The following ZNF492 variants were observed in gnomAD, a reference collection of about 807,000 sequenced individuals.
ZNF492 encodes zinc finger protein 115 (Y20).
ZNF492 carries 3 observed loss-of-function variants against 6.4 expected under a neutral mutation model. The observed-to-expected ratio is 0.47, with a 90% CI of 0.21 to 1.22. The LOEUF is 1.22. ZNF492 is among the 50% of genes most tolerant of loss of function. The pLI, the probability that ZNF492 is intolerant of heterozygous loss-of-function variation, is 0.22. For synonymous variants in ZNF492, 112 were observed against 205.3 expected (o/e 0.55, Z 3.89); for missense variants, 356 against 612.5 (o/e 0.58, Z 4.42).
chr19:22,637,651 G>C (rs1971782269), intron 1 of ZNF492, among the ~76,000 whole-genome samples: 1 of 152,146 alleles, frequency 6.6e-6, no homozygotes, highest in South Asian at 2.1e-4. Flanking sequence ...TTGATTCCAT[G>C]TCTTTGCTTT....
chr19:22,636,104 T>TC (rs1971759317), intron 1 of ZNF492, among the ~76,000 whole-genome samples: 1 of 78,586 alleles, frequency 1.3e-5, no homozygotes, highest in African/African-American at 4.0e-5. Context: ...TACTTAAATA[T>TC]TTTTTTTTTT....
intron 3 of ZNF492, among the ~76,000 whole-genome samples, chr19:22,657,202 A>G (rs56310711): frequency 7.2e-5 from 11 of 152,078 alleles, no homozygotes; most frequent in Non-Finnish European, 1.3e-4. Context: ...AAATATAGAC[A>G]GGCAAAAAAA....
chr19:22,650,003 A>G (rs1971923371), intron 1 of ZNF492, among the ~76,000 whole-genome samples: 1 of 152,122 alleles, frequency 6.6e-6, no homozygotes, highest in African/African-American at 2.4e-5. Flanking sequence ...AGGCATTGCA[A>G]TCATTTGGAG....
At chr19:22,645,178 C>A (rs1315376572) in intron 1 of ZNF492, among the ~76,000 whole-genome samples, 1 of 151,980 alleles carries the variant, frequency 6.6e-6, no homozygotes, top group Non-Finnish European at 1.5e-5. Context: ...TCCCGAGAAC[C>A]TGGGACTACA....
intron 1 of ZNF492, among the ~76,000 whole-genome samples, chr19:22,636,719 C>T (rs1312592370): frequency 6.6e-6 from 1 of 151,412 alleles, no homozygotes; most frequent in African/African-American, 2.4e-5. Flanking sequence ...ACTGCAACCT[C>T]TGCCTCCCGG....
At chr19:22,648,030 C>T (rs548615971) in intron 1 of ZNF492, among the ~76,000 whole-genome samples, 31 of 152,084 alleles carry the variant, frequency 2.0e-4, no homozygotes, top group Admixed American at 6.6e-4. Flanking sequence ...CACCGTTCCC[C>T]GACTTAGCTC....
rs571564512 is a variant in ZNF492, at chr19:22,665,372, A to G, written c.*107A>G. 6.7e-7 allele frequency: 1 copy of G among 1,485,052 alleles called. No homozygotes were observed. Among genetic ancestry groups the G allele is most frequent in the African/African-American group, 1.4e-5 (1 of 70,684 alleles). The allele number at this position is 1,485,052 out of a possible 1,614,324, so 92.0% of individuals were successfully genotyped here. A position where few individuals can be genotyped will look rare whatever the true frequency, so the allele number is the denominator to read the frequency against. On this transcript the variant is annotated 3_prime_UTR_variant, in exon 4 of 4. Transcript: ENST00000456783. ...TACAAGTGTGAATGAACAGTGTGGC[A>G]AAACTTACACAATGCTCAAACCTTA... is the stretch of plus-strand genomic sequence containing the variant.
At chr19:22,662,243 T>C (rs1305232341) in intron 3 of ZNF492, among the ~76,000 whole-genome samples, 1 of 152,186 alleles carries the variant, frequency 6.6e-6, no homozygotes, top group Non-Finnish European at 1.5e-5. Context: ...TTCATCCATG[T>C]CCCTGCAAAG....
Position 22,666,305 on chromosome 19 carries a change from C to G in ZNF492, c.*1040C>G, listed in dbSNP as rs1972127621. 1 of 151,798 alleles carries G rather than the reference C, an allele frequency of 6.6e-6. No homozygotes were observed. Among genetic ancestry groups the G allele is most frequent in the South Asian group, 2.1e-4 (1 of 4,814 alleles). 9.4% of individuals were successfully genotyped at this position (151,798 alleles called of 1,614,324 possible). On this transcript the variant is annotated 3_prime_UTR_variant, in exon 4 of 4. Coordinates refer to ENST00000456783, the MANE Select transcript of ZNF492 (RefSeq NM_020855.3). ...TCCAGGGTTCAAGTGATTCTCCTGC[C>G]TCAGCCTCCCAAGTGGCTGGGATTA... is the stretch of plus-strand genomic sequence containing the variant.
At chr19:22,636,427 G>GT (rs1321227399) in intron 1 of ZNF492, among the ~76,000 whole-genome samples, 1 of 151,214 alleles carries the variant, frequency 6.6e-6, no homozygotes, top group African/African-American at 2.4e-5. Flanking sequence ...CATGCATTTG[G>GT]TTTTCTGCTG....
chr19:22,649,774 G>C (rs986796854), intron 1 of ZNF492, among the ~76,000 whole-genome samples: 4 of 152,048 alleles, frequency 2.6e-5, no homozygotes, highest in African/African-American at 9.7e-5. Context: ...CTCATGCTGT[G>C]TTTCTTAGCT....
rs1210447222 is a variant in ZNF492, at chr19:22,634,339, T to A, written c.-229T>A. ...ATGTGGCGGGGTCTTTGTCTCTCGC[T>A]GCAGTCGGAGTATGGTCTAGTGTTC... On this transcript the variant is annotated 5_prime_UTR_variant, in exon 1 of 4. Transcript: ENST00000456783. 1 of 986,284 alleles carries A rather than the reference T, an allele frequency of 1.0e-6. No individual in the cohort carries two copies. The highest frequency in any genetic ancestry group is 1.7e-5 in the African/African-American group (1 of 58,404). 61.1% of individuals were successfully genotyped at this position (986,284 alleles called of 1,614,324 possible).
chr19:22,650,998 T>G (rs1017985947), intron 1 of ZNF492, among the ~76,000 whole-genome samples: 53 of 152,196 alleles, frequency 3.5e-4, no homozygotes, highest in African/African-American at 1.3e-3. Context: ...CTGTTGAGAA[T>G]CTGCACAGCT....
chr19:22,654,050 A>G (rs371007669), intron 3 of ZNF492, 35 bp downstream of exon 3: 17 of 1,525,068 alleles, frequency 1.1e-5, no homozygotes, highest in Non-Finnish European at 1.4e-5. Flanking sequence ...AACAGATGAC[A>G]CAGATGAGAG....
intron 3 of ZNF492, among the ~76,000 whole-genome samples, chr19:22,660,066 A>C (rs113712886): frequency 5.3e-5 from 8 of 152,292 alleles, no homozygotes; most frequent in African/African-American, 1.9e-4. Context: ...TGTAGCTTGC[A>C]TAATACTATC....
intron 3 of ZNF492, among the ~76,000 whole-genome samples, chr19:22,663,538 G>A (rs1972079072): frequency 6.6e-6 from 1 of 152,120 alleles, no homozygotes; most frequent in African/African-American, 2.4e-5. Context: ...TCTGCACTGG[G>A]TAAATGTAAC....
Position 22,665,396 on chromosome 19 carries a change from T to A in ZNF492, c.*131T>A. The A allele has an allele frequency of 2.1e-6, 3 of 1,458,108 alleles. No individual in the cohort carries two copies. The highest frequency in any genetic ancestry group is 9.1e-7 in the Non-Finnish European group (1 of 1,104,126). 90.3% of individuals were successfully genotyped at this position (1,458,108 alleles called of 1,614,324 possible). The stretch of plus-strand genomic sequence containing the variant: ...CAAAACTTACACAATGCTCAAACCT[T>A]ATTGCACAGGAAAGCCTTTATACTT... On this transcript the variant is annotated 3_prime_UTR_variant, in exon 4 of 4. Transcript: ENST00000456783.
At chr19:22,647,734 T>TTTTTTG in intron 1 of ZNF492, among the ~76,000 whole-genome samples, 1 of 139,130 alleles carries the variant, frequency 7.2e-6, no homozygotes, top group African/African-American at 2.9e-5. Context: ...TTAGTTTTTT[T>TTTTTTG]TTTTTTTTTT....
rs1971951842 is a variant in ZNF492, at chr19:22,652,629, G to A, written c.-93-678G>A. Among the ~76,000 whole-genome samples the A allele has an allele frequency of 1.3e-5, 2 of 150,908 alleles. 1 individual carries two copies. Among genetic ancestry groups the A allele is most frequent in the African/African-American group, 4.9e-5 (2 of 40,942 alleles). On this transcript the variant is annotated intron_variant, in intron 1 of 3. Coordinates refer to ENST00000456783, the MANE Select transcript of ZNF492 (RefSeq NM_020855.3). Reference sequence around the variant, plus strand: ...GAGTCTCGCTCTGTCACCCAGGCTGGAGTGCAGTGGCGCGATTTCAGCTCA... The same window carrying A: ...GAGTCTCGCTCTGTCACCCAGGCTGAAGTGCAGTGGCGCGATTTCAGCTCA...
Sources: gnomAD v4.1 joint callset for allele counts (sites outside exome capture counted in the v4.1 genomes callset) on GRCh38, gnomAD v4.1.1 for gene constraint, MANE v1.5 for transcripts, NCBI Gene and HGNC (gene_info 2026-07-23, HGNC 2026-07-21) for gene names.